Variants in TRIM38 observed in about 807,000 individuals in gnomAD.
TRIM38 encodes tripartite motif containing 38, also known as E3 ubiquitin-protein ligase TRIM38.
TRIM38 carries 35 observed loss-of-function variants against 35.8 expected under a neutral mutation model. The ratio of observed to expected loss-of-function variants is 0.98; its 90% CI spans 0.75 to 1.30. The LOEUF is 1.30. Among genes scored for constraint, TRIM38 ranks in the 50% most tolerant of loss-of-function variants. The pLI, the probability that TRIM38 is intolerant of heterozygous loss-of-function variation, is 0.00. For missense variants in TRIM38, 545 were observed against 556.9 expected, an observed-to-expected ratio of 0.98 and a Z score of 0.21; for synonymous variants, 198 against 204.7, an observed-to-expected ratio of 0.97 and a Z score of 0.28.
rs1760807775 is a variant in TRIM38, at chr6:25,990,421, A to T, written c.*6734A>T. On this transcript the variant is annotated 3_prime_UTR_variant, in exon 8 of 8. Coordinates refer to ENST00000357085, the MANE Select transcript of TRIM38 (RefSeq NM_006355.5). ...CTGCCTAGGCTCAAGTCATCCTCCC[A>T]CCTCAGCCTCCAGAATGGCTGGGAC... 1 of 152,092 alleles carries T rather than the reference A, an allele frequency of 6.6e-6. No individual in the cohort carries two copies. Among genetic ancestry groups the T allele is most frequent in the Non-Finnish European group, 1.5e-5 (1 of 68,068 alleles). 9.4% of individuals were successfully genotyped at this position (152,092 alleles called of 1,614,324 possible).
At chr6:25,969,135 A>C (rs1221760093) in intron 3 of TRIM38, among the ~76,000 whole-genome samples, 190 bp from the exon 4 acceptor site, 1 of 152,190 alleles carries the variant, frequency 6.6e-6, no homozygotes, top group Non-Finnish European at 1.5e-5. Flanking sequence ...CCTACCAACT[A>C]TTCAGGGTTG....
chr6:25,967,035 T>TA (rs1760082146), intron 3 of TRIM38, 102 bp downstream of exon 3: 16 of 1,250,248 alleles, frequency 1.3e-5, no homozygotes, highest in Non-Finnish European at 1.8e-5. Flanking sequence ...GACTTGGAAA[T>TA]ACAGCTTTCA....
At chr6:25,978,709 C>T (rs1458579049) in intron 7 of TRIM38, among the ~76,000 whole-genome samples, 1 of 152,074 alleles carries the variant, frequency 6.6e-6, no homozygotes, top group Non-Finnish European at 1.5e-5. Flanking sequence ...CTTTGCCACC[C>T]AGGCTGGAGT....
At position 25,991,037 on chromosome 6, in the gene TRIM38, GTC is replaced by G. The variant is rs1760816923; in HGVS notation, c.*7351_*7352del. The G allele has an allele frequency of 6.6e-6, 1 of 152,266 alleles. No homozygotes were observed. The highest frequency in any genetic ancestry group is 1.5e-5 in the Non-Finnish European group (1 of 68,088). The allele number at this position is 152,266 out of a possible 1,614,324, so 9.4% of individuals were successfully genotyped here. On this transcript the variant is annotated 3_prime_UTR_variant, in exon 8 of 8. Transcript: ENST00000357085. ...ATCGGGTGTCCCCATCCTCACTTCA[GTC>G]CACAGGCAGGGTCCTCAGTCTTCAG...
In TRIM38 at chr6:25,989,903, A is replaced by C. The variant is rs1254537203; in HGVS notation, c.*6216A>C. On this transcript the variant is annotated 3_prime_UTR_variant, in exon 8 of 8. Transcript: ENST00000357085. ...TTGTTGGATATTTGATTTTTATTTCAGGCAACTAATATCTATTCATTTTTG... is the reference window on the plus strand; with the variant it reads ...TTGTTGGATATTTGATTTTTATTTCCGGCAACTAATATCTATTCATTTTTG... 6.6e-6 allele frequency: 1 copy of C among 152,070 alleles called. No individual in the cohort carries two copies. Among genetic ancestry groups the C allele is most frequent in the Non-Finnish European group, 1.5e-5 (1 of 68,012 alleles). 9.4% of individuals were successfully genotyped at this position (152,070 alleles called of 1,614,324 possible).
intron 7 of TRIM38, among the ~76,000 whole-genome samples, chr6:25,980,836 G>A (rs1760524248): frequency 6.6e-6 from 1 of 152,126 alleles, no homozygotes; most frequent in Non-Finnish European, 1.5e-5. Flanking sequence ...TTTTGTTGAT[G>A]TGTCACACCA....
intron 2 of TRIM38, among the ~76,000 whole-genome samples, chr6:25,964,803 G>A (rs1732440990): frequency 7.2e-6 from 1 of 139,476 alleles, no homozygotes; most frequent in African/African-American, 2.8e-5. Flanking sequence ...AGTAATTCTG[G>A]TACCAATTAT....
intron 7 of TRIM38, chr6:25,975,638 C>G: frequency 1.0e-6 from 1 of 982,476 alleles, no homozygotes; most frequent in Non-Finnish European, 1.2e-6. Context: ...GGAGAAAGTT[C>G]AAGGTTTTTC....
At chr6:25,974,020 A>G (rs1760318592) in intron 7 of TRIM38, 2 of 239,100 alleles carry the variant, frequency 8.4e-6, no homozygotes, top group African/African-American at 4.7e-5. Flanking sequence ...TTAGTTATCT[A>G]TTAGTACAAA....
intron 7 of TRIM38, among the ~76,000 whole-genome samples, chr6:25,981,060 C>G (rs1337510285): frequency 6.6e-6 from 1 of 152,190 alleles, no homozygotes; most frequent in Admixed American, 6.5e-5. Context: ...GTTGGGAAAT[C>G]CACAAGGAAC....
intron 2 of TRIM38, among the ~76,000 whole-genome samples, chr6:25,964,275 T>C (rs949253718): frequency 1.3e-4 from 20 of 152,276 alleles, no homozygotes; most frequent in African/African-American, 4.6e-4. Flanking sequence ...TATAAATATG[T>C]ATGTATACTG....
chr6:25,971,041 C>A (rs974117594), intron 4 of TRIM38, among the ~76,000 whole-genome samples: 5 of 152,134 alleles, frequency 3.3e-5, no homozygotes, highest in African/African-American at 7.2e-5. Flanking sequence ...GAATTATGGA[C>A]CCTCTTACCA....
At chr6:25,981,676 A>C (rs1760549068) in intron 7 of TRIM38, among the ~76,000 whole-genome samples, 2 of 152,208 alleles carry the variant, frequency 1.3e-5, no homozygotes, top group Non-Finnish European at 2.9e-5. Flanking sequence ...GAAAGAGAAG[A>C]GCTTACAATT....
rs1404671572 is a variant in TRIM38, at chr6:25,969,365, A to G, written c.452A>G (p.Glu151Gly). The stretch of plus-strand genomic sequence containing the variant: ...GCTGTGACAAAACTGAAGCAACTTG[A>G]AGACAGATGTACGGAGCAGAAGCTG... ...QKAVTKLKQLEDRCTEQKLST... is the reference protein window; with the variant it reads ...QKAVTKLKQLGDRCTEQKLST... The change falls in exon 4 of 8, where the codon GAA becomes GGA. Residue 151 changes from glutamate to glycine, a missense_variant. By Grantham distance (98) the Glu-to-Gly change is moderately conservative. Transcript: ENST00000357085. The G allele has an allele frequency of 6.2e-7, 1 of 1,612,978 alleles. No individual in the cohort carries two copies. Among genetic ancestry groups the G allele is most frequent in the Non-Finnish European group, 8.5e-7 (1 of 1,179,516 alleles).
chr6:25,974,760 A>T, intron 7 of TRIM38: 1 of 482,112 alleles, frequency 2.1e-6, no homozygotes, highest in South Asian at 9.0e-5. Context: ...TTTTGCCTTT[A>T]TAACTTCTAA....
chr6:25,970,963 G>T (rs957525168), intron 4 of TRIM38, among the ~76,000 whole-genome samples: 6 of 151,970 alleles, frequency 3.9e-5, no homozygotes, highest in African/African-American at 1.5e-4. Context: ...ATGACCCTAG[G>T]GTAGTAGAAC....
rs1561905738 is a variant in TRIM38, at chr6:25,987,201, T to TCC, written c.*3517_*3518dup. The TCC allele has an allele frequency of 5.8e-5, 4 of 68,878 alleles. No individual in the cohort carries two copies. The highest frequency in any genetic ancestry group is 1.7e-4 in the African/African-American group (3 of 18,080). 4.3% of individuals were successfully genotyped at this position (68,878 alleles called of 1,614,324 possible). ...TGATATAAAAGCTTAACAAAGGTAC[T>TCC]CCCCGCCCCCCGCCCGCCACACACC... On this transcript the variant is annotated 3_prime_UTR_variant, in exon 8 of 8. Transcript: ENST00000357085.
At chr6:25,974,880 A>C (rs1277550260) in intron 7 of TRIM38, 1 of 985,082 alleles carries the variant, frequency 1.0e-6, no homozygotes, top group Non-Finnish European at 1.2e-6. Flanking sequence ...ACCCAAAAGC[A>C]CTCTGTATTT....
chr6:25,984,374 T>C lies in TRIM38; in HGVS notation c.*687T>C, dbSNP rs1288669122. 6.6e-6 allele frequency: 1 copy of C among 152,380 alleles called. No homozygotes were observed. The highest frequency in any genetic ancestry group is 1.5e-5 in the Non-Finnish European group (1 of 68,036). 9.4% of individuals were successfully genotyped at this position (152,380 alleles called of 1,614,324 possible). A position where few individuals can be genotyped will look rare whatever the true frequency, so the allele number is the denominator to read the frequency against. ...TAGGACCAATTACCTTGAAATATTTTAAAATCTCAGTAAATAGTTATTGCT... is the reference window on the plus strand; with the variant it reads ...TAGGACCAATTACCTTGAAATATTTCAAAATCTCAGTAAATAGTTATTGCT... On this transcript the variant is annotated 3_prime_UTR_variant, in exon 8 of 8. Coordinates refer to ENST00000357085, the MANE Select transcript of TRIM38 (RefSeq NM_006355.5).
Sources: allele counts gnomAD v4.1 joint callset (sites outside exome capture counted in the v4.1 genomes callset), GRCh38; gene constraint gnomAD v4.1.1; transcripts MANE v1.5; gene names NCBI Gene and HGNC (gene_info 2026-07-23, HGNC 2026-07-21).